The following PASK variants were observed in gnomAD, a reference collection of about 807,000 sequenced individuals.
The protein encoded by PASK is PAS domain-containing serine/threonine-protein kinase.
Under a neutral mutation model 121.0 loss-of-function variants are expected in PASK, and 110 were observed. The observed-to-expected ratio is 0.91, with a 90% CI of 0.78 to 1.06. The LOEUF is 1.06. Ranked by LOEUF, PASK falls within the 50% of genes least tolerant of loss-of-function variation. The pLI is 0.00. For synonymous variants in PASK, 686 were observed against 717.8 expected (o/e 0.96, Z 0.71); for missense variants, 1,643 against 1,702.3 (o/e 0.97, Z 0.61).
At chr2:241,124,762 C>T (rs2065778692) in intron 10 of PASK, among the ~76,000 whole-genome samples, 4 of 152,126 alleles carry the variant, frequency 2.6e-5, no homozygotes, top group Non-Finnish European at 5.9e-5. Context: ...ACAAATAACA[C>T]GTATTATTTA....
chr2:241,144,548 G>A (rs1410561903), intron 1 of PASK, among the ~76,000 whole-genome samples: 1 of 152,200 alleles, frequency 6.6e-6, no homozygotes, highest in East Asian at 1.9e-4. Flanking sequence ...AGAGTTCCCA[G>A]CCAAAGGGTC....
Position 241,135,948 on chromosome 2 carries a change from T to C in PASK, c.1229A>G (p.Asp410Gly). ...CCCACACCCACTCTCATTGCCGACG[T>C]CCAGGCAGCTGGCCAGGTCTGGGAG... ...LQLPDLASCL[D>G]VGNESGCGER... The change falls in exon 8 of 18, where the codon GAC becomes GGC. Residue 410 changes from aspartate to glycine, a missense_variant. Asp to Gly is a moderately conservative substitution (Grantham distance 94). This residue lies in a region of PASK where 1,176 missense variants were observed against 1,162.2 expected (regional missense o/e 1.01). Coordinates refer to ENST00000234040, the MANE Select transcript of PASK (RefSeq NM_015148.4). 6.2e-7 allele frequency: 1 copy of C among 1,614,126 alleles called. No homozygotes were observed. Among genetic ancestry groups the C allele is most frequent in the Non-Finnish European group, 8.5e-7 (1 of 1,179,956 alleles).
chr2:241,149,055 C>A (rs1428888654), intron 1 of PASK, among the ~76,000 whole-genome samples: 2 of 152,112 alleles, frequency 1.3e-5, no homozygotes, highest in Non-Finnish European at 1.5e-5. Flanking sequence ...GCTGGTTCTC[C>A]TGGAGCTCGC....
At chr2:241,136,352 T>C (rs1468471) in intron 7 of PASK, among the ~76,000 whole-genome samples, 143,749 of 152,326 alleles carry the variant, frequency 0.94, 67,918 homozygotes, top group East Asian at 1. Context: ...GAGCCTGTGT[T>C]TGCAAGCCTC....
chr2:241,142,950 C>G lies in PASK; in HGVS notation c.83G>C (p.Gly28Ala). 1.2e-6 allele frequency: 2 copies of G among 1,613,578 alleles called. No homozygotes were observed. The highest frequency in any genetic ancestry group is 1.7e-6 in the Non-Finnish European group (2 of 1,179,532). The part of the protein sequence containing the change: ...QSLPLPVSAE[G>A]PAAQTTAEPS... ...CTCAGCAGTGGTCTGTGCAGCTGGG[C>G]CCTCTGCTGACACTGGCAAGGGGAG... Residue 28 changes from glycine to alanine, a missense_variant, in exon 2 of 18, where the codon GGC becomes GCC. By Grantham distance (60) the Gly-to-Ala change is moderately conservative. Around this residue, in one of 3 missense-constraint regions of PASK, gnomAD observed 1,176 missense variants for 1,162.2 expected, o/e 1.01. Coordinates refer to ENST00000234040, the MANE Select transcript of PASK (RefSeq NM_015148.4).
In PASK at chr2:241,137,280, G is replaced by T; in HGVS notation, c.877-16C>A. 6.2e-7 allele frequency: 1 copy of T among 1,611,870 alleles called. No homozygotes were observed. The highest frequency in any genetic ancestry group is 8.5e-7 in the Non-Finnish European group (1 of 1,178,048). On this transcript the variant is annotated splice_polypyrimidine_tract_variant and intron_variant, in intron 6 of 17. Coordinates refer to ENST00000234040, the MANE Select transcript of PASK (RefSeq NM_015148.4). Reference sequence around the variant, plus strand: ...TCTTGAGATTCTGAAAGAAAGGCTTGTCGTTTGGCTTAAGCCGTGTTTCAC... The same window carrying T: ...TCTTGAGATTCTGAAAGAAAGGCTTTTCGTTTGGCTTAAGCCGTGTTTCAC...
chr2:241,113,222 T>G (rs921871609), intron 14 of PASK: 3 of 152,254 alleles, frequency 2.0e-5, no homozygotes, highest in African/African-American at 7.2e-5. Context: ...AGTGACTTCA[T>G]GGATGTATCA....
chr2:241,144,395 T>C (rs1235641345), intron 1 of PASK, among the ~76,000 whole-genome samples: 3 of 152,204 alleles, frequency 2.0e-5, no homozygotes, highest in Admixed American at 6.5e-5. Flanking sequence ...AGGCTTTAGA[T>C]AAACAGCAAG....
At chr2:241,132,137 A>G (rs2066174393) in intron 9 of PASK, among the ~76,000 whole-genome samples, 1 of 152,078 alleles carries the variant, frequency 6.6e-6, no homozygotes, top group South Asian at 2.1e-4. Context: ...CGACTATGAG[A>G]ATAGAACAAG....
intron 11 of PASK, among the ~76,000 whole-genome samples, chr2:241,123,137 A>G (rs561639009): frequency 2.8e-4 from 41 of 147,594 alleles, no homozygotes; most frequent in Middle Eastern, 3.6e-3. Flanking sequence ...TTTACACCCC[A>G]CCATATACAT....
At position 241,133,003 on chromosome 2, in the gene PASK, C is replaced by G. The variant is rs1422976302; in HGVS notation, c.1334G>C (p.Gly445Ala). Residue 445 changes from glycine to alanine, a missense_variant, in exon 9 of 18, where the codon GGT becomes GCT. Coordinates refer to ENST00000234040, the MANE Select transcript of PASK (RefSeq NM_015148.4). ...CTCATCTCGGGGCACAACGTGGCCA[C>G]CAGCAAGCACGACATTAATCCTTGG... is the stretch of plus-strand genomic sequence containing the variant. ...QDPRINVVLA[G>A]GHVVPRDEIR... is the part of the protein sequence containing the mutation. 1 of 1,614,016 alleles carries G rather than the reference C, an allele frequency of 6.2e-7. No individual in the cohort carries two copies. The highest frequency in any genetic ancestry group is 8.5e-7 in the Non-Finnish European group (1 of 1,180,026).
At chr2:241,131,570 C>T (rs920256781) in intron 9 of PASK, among the ~76,000 whole-genome samples, 1 of 152,090 alleles carries the variant, frequency 6.6e-6, no homozygotes, top group Non-Finnish European at 1.5e-5. Flanking sequence ...CAGCAATAAG[C>T]AGAAGGCAGA....
chr2:241,111,246 G>A (rs761827846), intron 15 of PASK, among the ~76,000 whole-genome samples: 17 of 152,220 alleles, frequency 1.1e-4, no homozygotes, highest in African/African-American at 3.6e-4. Context: ...GAGGGACCCC[G>A]TGTGCCTCTC....
intron 9 of PASK, among the ~76,000 whole-genome samples, chr2:241,130,268 C>T (rs1266442239): frequency 6.6e-6 from 1 of 152,250 alleles, no homozygotes; most frequent in Non-Finnish European, 1.5e-5. Context: ...GTCATAACTG[C>T]ACTAGCTGTG....
At chr2:241,149,298 T>G (rs1336211971) in intron 1 of PASK, 116 bp downstream of exon 1, 2 of 186,662 alleles carry the variant, frequency 1.1e-5, no homozygotes, top group African/African-American at 2.4e-5. Flanking sequence ...GTCGGGCTGG[T>G]CTAAGAGTCG....
chr2:241,134,857 G>A (rs965494507), intron 8 of PASK: 8 of 151,812 alleles, frequency 5.3e-5, no homozygotes, highest in African/African-American at 1.9e-4. Flanking sequence ...GCCTGCCCCA[G>A]GAACTCCAGA....
chr2:241,137,112 G>A lies in PASK; in HGVS notation c.1029C>T (p.Cys343=). The change falls in exon 7 of 18, where the codon TGC becomes TGT. Residue 343 remains cysteine, a synonymous_variant. Transcript: ENST00000234040. The part of the protein sequence containing the change: ...SGYRASVWVF[C]TISGLITLLP... Reference sequence around the variant, plus strand: ...GGAGGGTGATGAGGCCACTGATGGTGCAGAACACCCAGACAGATGCCCGGT... The same window carrying A: ...GGAGGGTGATGAGGCCACTGATGGTACAGAACACCCAGACAGATGCCCGGT... 1 of 1,613,748 alleles carries A rather than the reference G, an allele frequency of 6.2e-7. No homozygotes were observed. The highest frequency in any genetic ancestry group is 8.5e-7 in the Non-Finnish European group (1 of 1,179,884).
intron 9 of PASK, among the ~76,000 whole-genome samples, chr2:241,128,780 C>T (rs562907550): frequency 2.5e-4 from 38 of 152,080 alleles, no homozygotes; most frequent in Admixed American, 9.8e-4. Context: ...GCGGGAACCT[C>T]GCTTGAGCAC....
At chr2:241,124,262 A>G in intron 10 of PASK, 129 bp from the exon 11 acceptor site, 1 of 781,678 alleles carries the variant, frequency 1.3e-6, no homozygotes. Context: ...AGAAAGTTCA[A>G]TCCCCAGAAC....
Sources: gnomAD v4.1 joint callset for allele counts (sites outside exome capture counted in the v4.1 genomes callset) on GRCh38, gnomAD v4.1.1 for gene constraint, gnomAD v4.1.1 regional missense constraint, MANE v1.5 for transcripts, NCBI Gene and HGNC (gene_info 2026-07-23, HGNC 2026-07-21) for gene names.